The following GOSR1 variants were observed in gnomAD, a reference collection of about 807,000 sequenced individuals.
GOSR1 encodes the protein 28 kDa Golgi SNARE protein.
GOSR1 carries 21 observed loss-of-function variants against 35.5 expected under a neutral mutation model. The observed-to-expected ratio is 0.59, with a 90% confidence interval of 0.42 to 0.85. GOSR1 has a LOEUF of 0.85. Ranked by LOEUF, GOSR1 falls within the 40% of genes least tolerant of loss-of-function variation. GOSR1 has a pLI of 0.00. For synonymous variants in GOSR1, 94 were observed against 106.6 expected (o/e 0.88, Z 0.73); for missense variants, 285 against 309.6 (o/e 0.92, Z 0.60).
At chr17:30,501,813 C>G (rs552259262) in intron 6 of GOSR1, among the ~76,000 whole-genome samples, 1 of 152,322 alleles carries the variant, frequency 6.6e-6, no homozygotes, top group Non-Finnish European at 1.5e-5. Flanking sequence ...TCTTAAAAAG[C>G]TAAATATGGT....
At chr17:30,508,755 C>T (rs938747312) in intron 6 of GOSR1, among the ~76,000 whole-genome samples, 14 of 152,102 alleles carry the variant, frequency 9.2e-5, no homozygotes, top group African/African-American at 3.4e-4. Context: ...TACTGTGTGC[C>T]AGGTACTGAT....
At chr17:30,480,940 G>A (rs928754391) in intron 1 of GOSR1, 6 of 414,142 alleles carry the variant, frequency 1.4e-5, no homozygotes, top group African/African-American at 2.0e-5. Flanking sequence ...TCAAACTCCC[G>A]ACCTCAGGTG....
chr17:30,482,924 C>T (rs1316882390), intron 2 of GOSR1: 1 of 152,078 alleles, frequency 6.6e-6, no homozygotes, highest in African/African-American at 2.4e-5. Flanking sequence ...AAAACATTTC[C>T]CAAGAAATTC....
rs1209839953 is a variant in GOSR1 at position 30,490,114 on chromosome 17, G to T, written c.343-12G>T. On this transcript the variant is annotated splice_polypyrimidine_tract_variant and intron_variant, in intron 4 of 8. Transcript: ENST00000451249. The stretch of plus-strand genomic sequence containing the variant: ...TTAGCTTCTGTTGAGACTGGATGTT[G>T]ATTTATTACAGGATTATACACATGA... 1 of 1,247,534 alleles carries T rather than the reference G, an allele frequency of 8.0e-7. No individual in the cohort carries two copies. Among genetic ancestry groups the T allele is most frequent in the South Asian group, 1.2e-5 (1 of 83,264 alleles). The allele number at this position is 1,247,534 out of a possible 1,614,324, so 77.3% of individuals were successfully genotyped here.
chr17:30,522,569 C>A lies in GOSR1; in HGVS notation c.*191C>A. 2.5e-6 allele frequency: 1 copy of A among 404,030 alleles called. No individual in the cohort carries two copies. Among genetic ancestry groups the A allele is most frequent in the Non-Finnish European group, 4.4e-6 (1 of 229,322 alleles). The allele number at this position is 404,030 out of a possible 1,614,324, so 25.0% of individuals were successfully genotyped here. On this transcript the variant is annotated 3_prime_UTR_variant, in exon 9 of 9. Coordinates refer to ENST00000451249, the MANE Select transcript of GOSR1 (RefSeq NM_001007025.2). The stretch of plus-strand genomic sequence containing the variant: ...CCACAGTTTCTCTGTGCTGTGTTTT[C>A]TAACACATTTTTCTGTTTTTAATTA...
At position 30,527,123 on chromosome 17, in the gene GOSR1, C is replaced by G. The variant is rs764439455; in HGVS notation, c.*4745C>G. 1.3e-5 allele frequency: 2 copies of G among 152,118 alleles called. No homozygotes were observed. The highest frequency in any genetic ancestry group is 2.4e-5 in the African/African-American group (1 of 41,404). The allele number at this position is 152,118 out of a possible 1,614,324, so 9.4% of individuals were successfully genotyped here. Reference sequence around the variant, plus strand: ...CTGTAATCCCAGCAGTTCGAGAGGCCGAGGCAGGAGGATTGCTTGAGACCA... The same window carrying G: ...CTGTAATCCCAGCAGTTCGAGAGGCGGAGGCAGGAGGATTGCTTGAGACCA... On this transcript the variant is annotated 3_prime_UTR_variant, in exon 9 of 9. Coordinates refer to ENST00000451249, the MANE Select transcript of GOSR1 (RefSeq NM_001007025.2).
At chr17:30,492,515 T>G (rs1478984557) in intron 5 of GOSR1, among the ~76,000 whole-genome samples, 164 bp from the exon 6 acceptor site, 2 of 152,258 alleles carry the variant, frequency 1.3e-5, no homozygotes, top group Non-Finnish European at 2.9e-5. Flanking sequence ...CTACCTAAAA[T>G]AGATAACATT....
At chr17:30,518,437 TAAA>T (rs35597510) in intron 7 of GOSR1, among the ~76,000 whole-genome samples, 1 of 147,856 alleles carries the variant, frequency 6.8e-6, no homozygotes, top group Admixed American at 6.7e-5. Context: ...TCTCTTGATT[TAAA>T]AAAAAAAAAA....
At chr17:30,493,481 C>T (rs542154335) in intron 6 of GOSR1, among the ~76,000 whole-genome samples, 4 of 152,206 alleles carry the variant, frequency 2.6e-5, no homozygotes, top group Non-Finnish European at 4.4e-5. Context: ...ATTACAAATA[C>T]TTGCTAGGTA....
At chr17:30,488,427 G>A (rs977919855) in intron 4 of GOSR1, among the ~76,000 whole-genome samples, 7 of 151,894 alleles carry the variant, frequency 4.6e-5, no homozygotes, top group Non-Finnish European at 7.4e-5. Context: ...GCCTCCCAAA[G>A]TGTTGGGATT....
intron 6 of GOSR1, among the ~76,000 whole-genome samples, chr17:30,497,181 T>C (rs1025079341): frequency 1.3e-5 from 2 of 152,216 alleles, no homozygotes; most frequent in Admixed American, 1.3e-4. Context: ...GAGGATTGCT[T>C]GAGGCCAAGA....
chr17:30,498,796 C>G (rs943403631), intron 6 of GOSR1, among the ~76,000 whole-genome samples: 3 of 152,200 alleles, frequency 2.0e-5, no homozygotes, highest in Non-Finnish European at 4.4e-5. Flanking sequence ...AGTGGGGGGG[C>G]TCTGAGTGTC....
At chr17:30,477,526 A>C in intron 1 of GOSR1, 62 bp downstream of exon 1, 1 of 1,560,506 alleles carries the variant, frequency 6.4e-7, no homozygotes, top group Non-Finnish European at 8.7e-7. Flanking sequence ...GTGAGGACAG[A>C]TCTTGGGAGA....
intron 6 of GOSR1, among the ~76,000 whole-genome samples, chr17:30,497,751 T>C (rs1457971349): frequency 6.6e-6 from 1 of 152,218 alleles, no homozygotes; most frequent in East Asian, 1.9e-4. Flanking sequence ...CACCTGACCC[T>C]GATTGTCTAT....
intron 7 of GOSR1, among the ~76,000 whole-genome samples, chr17:30,515,294 ATTTTTT>A (rs35911853): frequency 0.023 from 3,250 of 139,550 alleles, 109 homozygotes; most frequent in African/African-American, 0.074. Flanking sequence ...TGCCCAGCTA[ATTTTTT>A]TTTTTTTTTT....
At chr17:30,501,770 A>G (rs1967220102) in intron 6 of GOSR1, among the ~76,000 whole-genome samples, 1 of 152,234 alleles carries the variant, frequency 6.6e-6, no homozygotes, top group Admixed American at 6.5e-5. Flanking sequence ...CTGGGATTAT[A>G]GGCATGAGCC....
At chr17:30,516,489 G>GAA (rs1967822691) in intron 7 of GOSR1, among the ~76,000 whole-genome samples, 3 of 121,614 alleles carry the variant, frequency 2.5e-5, no homozygotes, top group African/African-American at 9.7e-5. Flanking sequence ...AAAAGAAAAA[G>GAA]AAAAAGTCAG....
chr17:30,514,061 C>T (rs1271286547), intron 7 of GOSR1, among the ~76,000 whole-genome samples: 1 of 152,220 alleles, frequency 6.6e-6, no homozygotes, highest in Non-Finnish European at 1.5e-5. Flanking sequence ...TTCTACAAAA[C>T]AGCCACATTT....
chr17:30,512,660 C>G (rs1967655825), intron 7 of GOSR1, among the ~76,000 whole-genome samples: 1 of 152,118 alleles, frequency 6.6e-6, no homozygotes, highest in Non-Finnish European at 1.5e-5. Context: ...ACAGAATTTC[C>G]TTATGTTGAC....
Sources: allele counts gnomAD v4.1 joint callset (sites outside exome capture counted in the v4.1 genomes callset), GRCh38; gene constraint gnomAD v4.1.1; transcripts MANE v1.5; gene names NCBI Gene and HGNC (gene_info 2026-07-23, HGNC 2026-07-21).